THRAP3: variants seen among roughly 807,000 people sequenced by gnomAD.
The protein encoded by THRAP3 is thyroid hormone receptor associated protein 3, also known as thyroid hormone receptor-associated protein 3.
Under a neutral mutation model 101.0 loss-of-function variants are expected in THRAP3, and 16 were observed. The ratio of observed to expected loss-of-function variants is 0.16; its 90% CI spans 0.11 to 0.24. The LOEUF (loss-of-function observed/expected upper bound fraction) is 0.24. THRAP3 is among the 10% of genes least tolerant of loss of function. THRAP3 has a pLI of 1.00. For missense variants in THRAP3, 989 were observed against 1,202.7 expected (o/e 0.82, Z 2.63); for synonymous variants, 407 against 422.6 (o/e 0.96, Z 0.45).
intron 1 of THRAP3, among the ~76,000 whole-genome samples, chr1:36,238,997 G>A (rs1570241193): frequency 6.6e-6 from 1 of 151,844 alleles, no homozygotes; most frequent in South Asian, 2.1e-4. Context: ...GCAGTGGCGC[G>A]ATCTCGGCTC....
At chr1:36,274,412 C>T (rs1197558329) in intron 2 of THRAP3, among the ~76,000 whole-genome samples, 3 of 152,078 alleles carry the variant, frequency 2.0e-5, no homozygotes, top group Non-Finnish European at 4.4e-5. Context: ...CAGAAATTGG[C>T]ATGCTGATTC....
At chr1:36,292,423 C>T (rs1266284547) in intron 6 of THRAP3, among the ~76,000 whole-genome samples, 175 bp from the exon 7 acceptor site, 1 of 151,514 alleles carries the variant, frequency 6.6e-6, no homozygotes, top group Non-Finnish European at 1.5e-5. Context: ...AGGCGCCCGC[C>T]ACCATGCCCA....
intron 2 of THRAP3, among the ~76,000 whole-genome samples, chr1:36,274,085 C>G (rs1221571873): frequency 3.6e-4 from 1 of 2,760 alleles, no homozygotes; most frequent in Non-Finnish European, 2.3e-3. Context: ...GTCACACACA[C>G]ACACACACAC....
chr1:36,275,737 T>C (rs1160037578), intron 2 of THRAP3, among the ~76,000 whole-genome samples: 1 of 149,254 alleles, frequency 6.7e-6, no homozygotes, highest in African/African-American at 2.5e-5. Flanking sequence ...AACAACAAAG[T>C]TGGACTAGGT....
chr1:36,270,040 G>T (rs929002451), intron 2 of THRAP3, among the ~76,000 whole-genome samples: 9 of 152,218 alleles, frequency 5.9e-5, no homozygotes, highest in Admixed American at 1.3e-4. Flanking sequence ...GAAACACTTG[G>T]GTTCCCTATA....
At chr1:36,213,947 GAAA>G in the THRAP3 span, among the ~76,000 whole-genome samples, 3 of 118,982 alleles carry the variant, frequency 2.5e-5, no homozygotes, top group South Asian at 2.5e-4. Flanking sequence ...AAGAAAGAAA[GAAA>G]GAAAGAAAGA....
At chr1:36,223,641 G>C (rs1644921761), upstream of THRAP3, among the ~76,000 whole-genome samples, 2 of 152,140 alleles carry the variant, frequency 1.3e-5, no homozygotes, top group Non-Finnish European at 2.9e-5. Flanking sequence ...ATTTGTAGGT[G>C]GGTAAGAATC....
the THRAP3 span, among the ~76,000 whole-genome samples, chr1:36,217,532 A>T: frequency 2.1e-5 from 3 of 145,802 alleles, no homozygotes; most frequent in Non-Finnish European, 3.0e-5. Context: ...TAGATATGGC[A>T]TTTTTTTTTT....
chr1:36,244,552 T>C (rs1557813879), intron 1 of THRAP3, among the ~76,000 whole-genome samples: 1 of 152,204 alleles, frequency 6.6e-6, no homozygotes, highest in Non-Finnish European at 1.5e-5. Context: ...TTTGAAACCT[T>C]GATTCCTTTC....
chr1:36,282,420 T>A, intron 2 of THRAP3, 113 bp from the exon 3 acceptor site: 1 of 707,706 alleles, frequency 1.4e-6, no homozygotes. Context: ...TTTGTAGATA[T>A]GGGGTCTTCT....
intron 1 of THRAP3, among the ~76,000 whole-genome samples, chr1:36,240,238 G>A (rs1380796707): frequency 6.6e-6 from 1 of 152,138 alleles, no homozygotes; most frequent in African/African-American, 2.4e-5. Context: ...AGCTGGTCAC[G>A]TGGCTCAGTC....
chr1:36,295,811 A>G (rs769168190), intron 8 of THRAP3, among the ~76,000 whole-genome samples: 57 of 152,150 alleles, frequency 3.7e-4, no homozygotes, highest in Admixed American at 1.7e-3. Context: ...CTCAGTACTC[A>G]GAGATAATTC....
intron 1 of THRAP3, among the ~76,000 whole-genome samples, chr1:36,243,820 G>C (rs1283458623): frequency 2.8e-5 from 4 of 142,442 alleles, no homozygotes; most frequent in Admixed American, 1.4e-4. Context: ...CTGGCCAGGC[G>C]GGGGGCTGAC....
chr1:36,234,718 A>G (rs1557806552), intron 1 of THRAP3, among the ~76,000 whole-genome samples: 1 of 151,616 alleles, frequency 6.6e-6, no homozygotes, highest in African/African-American at 2.4e-5. Context: ...AGAAGGTGAC[A>G]TTAATTCTTG....
chr1:36,260,453 A>G lies in THRAP3; in HGVS notation c.-32+969A>G, dbSNP rs1007581773. 1.4e-4 allele frequency among the ~76,000 whole-genome samples: 21 copies of G among 151,952 alleles called. 1 individual carries two copies. Among genetic ancestry groups the G allele is most frequent in the South Asian group, 2.1e-4 (1 of 4,824 alleles). On this transcript the variant is annotated intron_variant, in intron 2 of 11. Coordinates refer to ENST00000354618, the MANE Select transcript of THRAP3 (RefSeq NM_005119.4). ...CCTCTTTTGCTTTACAGTGTTTGTT[A>G]TTATTTATTAACTTCACTCCTTAAA... is the stretch of plus-strand genomic sequence containing the variant.
intron 1 of THRAP3, among the ~76,000 whole-genome samples, chr1:36,228,239 CAG>C (rs1414278521): frequency 1.3e-5 from 2 of 149,838 alleles, no homozygotes; most frequent in East Asian, 2.0e-4. Flanking sequence ...TTTCTTGAGA[CAG>C]AGTTTCTCTC....
rs375288205 is a variant in THRAP3, at chr1:36,296,635, G to A, written c.2168G>A (p.Arg723His). Reference protein sequence around the residue: ...DPVDLRLDIERRKKHKERDLK... With the variant: ...DPVDLRLDIEHRKKHKERDLK... ...GTTGATCTCCGCCTTGATATTGAAC[G>A]TCGTAAAAAACATAAGGAGAGAGAT... Residue 723 changes from arginine (R) to histidine (H), a missense_variant, in exon 9 of 12, where the codon CGT becomes CAT. Physicochemically the swap from Arg to His is conservative, Grantham distance 29. Coordinates refer to ENST00000354618, the MANE Select transcript of THRAP3 (RefSeq NM_005119.4). 1.3e-5 allele frequency: 20 copies of A among 1,597,944 alleles called. No homozygotes were observed. The highest frequency in any genetic ancestry group is 1.4e-5 in the Non-Finnish European group (17 of 1,175,962).
At position 36,292,712 on chromosome 1, in the gene THRAP3, A is replaced by T; in HGVS notation, c.2030+3A>T. The T allele has an allele frequency of 6.2e-7, 1 of 1,608,716 alleles. No individual in the cohort carries two copies. The highest frequency in any genetic ancestry group is 8.5e-7 in the Non-Finnish European group (1 of 1,176,004). On this transcript the variant is annotated splice_donor_region_variant and intron_variant, in intron 7 of 11. Transcript: ENST00000354618. The stretch of plus-strand genomic sequence containing the variant: ...AAGAAAAGCCCAGAGATACACAGGT[A>T]AGGACCATGGCCTTATACTGGAGGT...
At chr1:36,287,639 C>T (rs1645813271) in intron 4 of THRAP3, 1 of 985,300 alleles carries the variant, frequency 1.0e-6, no homozygotes, top group African/African-American at 1.7e-5. Context: ...CTTAGACCCT[C>T]TAGCACCCAC....
Sources: gnomAD v4.1 joint callset for allele counts (sites outside exome capture counted in the v4.1 genomes callset) on GRCh38, gnomAD v4.1.1 for gene constraint, MANE v1.5 for transcripts, NCBI Gene and HGNC (gene_info 2026-07-23, HGNC 2026-07-21) for gene names.